Variants in AP4B1 observed in about 807,000 individuals in gnomAD.
AP4B1 encodes the protein AP-4 complex subunit beta-1.
In AP4B1, 49 loss-of-function variants were observed where a neutral mutation model predicts 76.5. The ratio of observed to expected loss-of-function variants is 0.64; its 90% CI spans 0.51 to 0.81. AP4B1 has a LOEUF of 0.81. Ranked by LOEUF, AP4B1 falls within the 40% of genes least tolerant of loss-of-function variation. AP4B1 has a pLI of 0.00. For missense variants in AP4B1, 911 were observed against 904.9 expected (o/e 1.01, Z -0.09); for synonymous variants, 330 against 333.3 (o/e 0.99, Z 0.11).
At chr1:113,899,252 C>G in intron 5 of AP4B1, 1 of 1,017,770 alleles carries the variant, frequency 9.8e-7, no homozygotes, top group Non-Finnish European at 1.2e-6. Context: ...GGTTGCTCCT[C>G]CTCCTGTACT....
At chr1:113,895,513 G>T (rs753623099) in intron 9 of AP4B1, 21 bp from the exon 10 acceptor site, 8 of 1,613,700 alleles carry the variant, frequency 5.0e-6, no homozygotes, top group Non-Finnish European at 6.8e-6. Context: ...CAGAAAACTT[G>T]TGTGAAAGAT....
Position 113,895,906 on chromosome 1 carries a change from G to A in AP4B1, c.1643C>T (p.Pro548Leu), listed in dbSNP as rs149723440. ...CCAGCTATTCACAGGTCTTTCTGCC[G>A]GATCCTCCAAAAGTCCAAGAGTAGG... is the stretch of plus-strand genomic sequence containing the variant. The part of the protein sequence containing the change: ...SDPTLGLLED[P>L]AERPVNSWAS... Residue 548 changes from proline (P) to leucine (L), a missense_variant, in exon 9 of 10, where the codon CCG (proline) becomes CTG (leucine). By Grantham distance (98) the Pro-to-Leu change is moderately conservative (BLOSUM62 -3). Coordinates refer to ENST00000369569, the MANE Select transcript of AP4B1 (RefSeq NM_001253852.3). 41 of 1,614,022 alleles carry A rather than the reference G, an allele frequency of 2.5e-5. No individual in the cohort carries two copies. Among genetic ancestry groups the A allele is most frequent in the African/African-American group, 1.1e-4 (8 of 74,900 alleles).
In AP4B1 at chr1:113,899,895, G is replaced by A. The variant is rs1478207935; in HGVS notation, c.1114+9C>T. 6.8e-6 allele frequency: 11 copies of A among 1,614,044 alleles called. No homozygotes were observed. Among genetic ancestry groups the A allele is most frequent in the Admixed American group, 5.0e-5 (3 of 59,998 alleles). Reference sequence around the variant, plus strand: ...AGGTTCTCAAGAAGGAAAAGGAGCAGACACCTACCTATGGCAAAGATGGCA... The same window carrying A: ...AGGTTCTCAAGAAGGAAAAGGAGCAAACACCTACCTATGGCAAAGATGGCA... On this transcript the variant is annotated intron_variant, in intron 5 of 9. Coordinates refer to ENST00000369569, the MANE Select transcript of AP4B1 (RefSeq NM_001253852.3).
At chr1:113,904,462 A>G (rs1668712580) in intron 1 of AP4B1, 143 bp downstream of exon 1, 4 of 800,380 alleles carry the variant, frequency 5.0e-6, no homozygotes, top group Admixed American at 1.7e-5. Flanking sequence ...CTGACATGGT[A>G]CTCCAAAGCA....
rs778102313 is a variant in AP4B1, at chr1:113,899,995, G to A, written c.1023C>T (p.Asn341=). Residue 341 remains asparagine (N), a synonymous_variant, in exon 5 of 10, where the codon AAC becomes AAT. Coordinates refer to ENST00000369569, the MANE Select transcript of AP4B1 (RefSeq NM_001253852.3). ...CTAGCACCTGCTGCACATTCTCATC[G>A]TTCACCAGTTCACACAGCACCTCCA... The part of the protein sequence containing the change: ...QKVEVLCELV[N]DENVQQVLEE... 7.4e-6 allele frequency: 12 copies of A among 1,614,182 alleles called. No homozygotes were observed. The highest frequency in any genetic ancestry group is 1.6e-4 in the Middle Eastern group (1 of 6,062).
Position 113,896,018 on chromosome 1 carries a change from C to T in AP4B1, c.1531G>A (p.Val511Ile), listed in dbSNP as rs946617022. 6.2e-7 allele frequency: 1 copy of T among 1,614,230 alleles called. No homozygotes were observed. The highest frequency in any genetic ancestry group is 1.1e-5 in the South Asian group (1 of 91,088). The change falls in exon 9 of 10, where the codon GTA (valine) becomes ATA (isoleucine). Residue 511 changes from valine to isoleucine, a missense_variant. Transcript: ENST00000369569. ...YCIEEEKDMAVRDRGLFYYRL... is the reference protein window; with the variant it reads ...YCIEEEKDMAIRDRGLFYYRL... ...TAATAGAAGAGACCTCGGTCCCGTACAGCCATATCTTTTTCTTCCTCTGAG... is the reference window on the plus strand; with the variant it reads ...TAATAGAAGAGACCTCGGTCCCGTATAGCCATATCTTTTTCTTCCTCTGAG...
In AP4B1 at chr1:113,900,142, G is replaced by T; in HGVS notation, c.876C>A (p.Leu292=). 6.2e-7 allele frequency: 1 copy of T among 1,614,178 alleles called. No homozygotes were observed. The highest frequency in any genetic ancestry group is 8.5e-7 in the Non-Finnish European group (1 of 1,180,040). The change falls in exon 5 of 10, where the codon CTC becomes CTA. Residue 292 remains leucine (L), a synonymous_variant. Coordinates refer to ENST00000369569, the MANE Select transcript of AP4B1 (RefSeq NM_001253852.3). ...LAACSSESRE[L]CFVALCHVRQ... ...GTACATGACAAAGAGCAACAAAACA[G>T]AGCTCACGGCTCTCTGAAGAACAGG...
intron 2 of AP4B1, 137 bp from the exon 3 acceptor site, chr1:113,902,022 G>A: frequency 8.9e-7 from 1 of 1,120,504 alleles, no homozygotes; most frequent in Admixed American, 1.9e-5. Context: ...CCTCTATCAA[G>A]CTTAAAAAGC....
At chr1:113,901,951 T>C in intron 2 of AP4B1, 66 bp from the exon 3 acceptor site, 2 of 1,599,336 alleles carry the variant, frequency 1.3e-6, no homozygotes, top group South Asian at 2.2e-5. Context: ...TCAGCCCCTG[T>C]TCACCTAACA....
chr1:113,904,867 CGGCACGCT>C (rs1668780955), upstream of AP4B1: 1 of 725,512 alleles, frequency 1.4e-6, no homozygotes, highest in Non-Finnish European at 2.4e-6. Context: ...TCCGTAGGGC[CGGCACGCT>C]GGCCCTGACA....
At position 113,895,815 on chromosome 1, in the gene AP4B1, G is replaced by C; in HGVS notation, c.1734C>G (p.Cys578Trp). The C allele has an allele frequency of 1.2e-6, 2 of 1,614,240 alleles. No individual in the cohort carries two copies. The highest frequency in any genetic ancestry group is 1.3e-5 in the African/African-American group (1 of 75,070). ...CTGGGTCACAACGCTCTGCCCCCTG[G>C]CATTTAGAGATAGTTGCCCAGTGGG... ...GKAHWATISK[C>W]QGAERCDPEL... Residue 578 changes from cysteine to tryptophan, a missense_variant, in exon 9 of 10, where the codon TGC (cysteine) becomes TGG (tryptophan). Physicochemically the swap from Cys to Trp is radical, Grantham distance 215 (BLOSUM62 -2). Coordinates refer to ENST00000369569, the MANE Select transcript of AP4B1 (RefSeq NM_001253852.3).
chr1:113,895,727 G>T, intron 9 of AP4B1, 30 bp downstream of exon 9: 1 of 1,613,442 alleles, frequency 6.2e-7, no homozygotes, highest in South Asian at 1.1e-5. Flanking sequence ...GATTTATCAT[G>T]ACAAGATTTA....
chr1:113,903,686 C>T (rs923441307), intron 1 of AP4B1, among the ~76,000 whole-genome samples: 1 of 152,222 alleles, frequency 6.6e-6, no homozygotes, highest in African/African-American at 2.4e-5. Flanking sequence ...GGTAAAGATA[C>T]ATGCTATGAG....
chr1:113,901,613 A>G (rs1195379636), intron 3 of AP4B1, 142 bp downstream of exon 3: 2 of 1,316,780 alleles, frequency 1.5e-6, no homozygotes, highest in Non-Finnish European at 2.1e-6. Flanking sequence ...CATCTCCAGA[A>G]GATACCAAGC....
chr1:113,896,751 T>C (rs1240277325), intron 7 of AP4B1: 2 of 484,278 alleles, frequency 4.1e-6, no homozygotes, highest in African/African-American at 3.9e-5. Context: ...TGGGTTTTAG[T>C]GTTTCAGTGG....
At position 113,895,012 on chromosome 1, in the gene AP4B1, CTAAG is replaced by C. The variant is rs888265544; in HGVS notation, c.*49_*52del. ...TTACTGGCAGCTCTAATAGGAAAGA[CTAAG>C]AAAGTGTAATAGTTATTCATCTTAC... On this transcript the variant is annotated 3_prime_UTR_variant, in exon 10 of 10. Coordinates refer to ENST00000369569, the MANE Select transcript of AP4B1 (RefSeq NM_001253852.3). 16 of 1,559,634 alleles carry C rather than the reference CTAAG, an allele frequency of 1.0e-5. No individual in the cohort carries two copies. The African/African-American group carries it at 2.2e-4, about 21-fold the overall frequency.
rs1178368842 is a variant in AP4B1, at chr1:113,896,300, C to T, written c.1468G>A (p.Glu490Lys). The T allele has an allele frequency of 6.2e-7, 1 of 1,614,222 alleles. No homozygotes were observed. Residue 490 changes from glutamate to lysine, a missense_variant, in exon 8 of 10, where the codon GAG becomes AAG. By Grantham distance (56) the Glu-to-Lys change is moderately conservative (BLOSUM62 1). Transcript: ENST00000369569. ...LLRLFLSRPA[E>K]CQDMLGRLLY... ...AAACGTCCTAGCATGTCCTGGCACTCAGCAGGTCGGGAGAGGAAAAGGCGC... is the reference window on the plus strand; with the variant it reads ...AAACGTCCTAGCATGTCCTGGCACTTAGCAGGTCGGGAGAGGAAAAGGCGC...
chr1:113,903,270 T>C (rs889206660), intron 1 of AP4B1, among the ~76,000 whole-genome samples: 2 of 152,236 alleles, frequency 1.3e-5, no homozygotes, highest in African/African-American at 4.8e-5. Flanking sequence ...TTCTCCATGT[T>C]GGCCAGGCTG....
intron 2 of AP4B1, 176 bp from the exon 3 acceptor site, chr1:113,902,061 G>GT (rs1158293291): frequency 4.6e-5 from 38 of 822,318 alleles, no homozygotes; most frequent in East Asian, 3.1e-4. Flanking sequence ...TTTTTTTCTT[G>GT]TTTTTTTCAA....
Sources: allele counts gnomAD v4.1 joint callset (sites outside exome capture counted in the v4.1 genomes callset), GRCh38; gene constraint gnomAD v4.1.1; transcripts MANE v1.5; gene names NCBI Gene and HGNC (gene_info 2026-07-23, HGNC 2026-07-21).